The following CA10 variants were observed in gnomAD, a reference collection of about 807,000 sequenced individuals.
CA10 encodes the protein carbonic anhydrase-related protein 10.
In CA10, 14 loss-of-function variants were observed where a neutral mutation model predicts 44.2. That is an observed-to-expected ratio of 0.32 (90% CI 0.21 to 0.50). The LOEUF is 0.50. Ranked by LOEUF, CA10 falls within the 20% of genes least tolerant of loss-of-function variation. The probability of loss-of-function intolerance (pLI) is 0.99; values close to 1 mark genes in which losing one functional copy is unlikely to be tolerated. For synonymous variants in CA10, 159 were observed against 141.6 expected, an observed-to-expected ratio of 1.12 and a Z score of -0.87; for missense variants, 350 against 409.7, an observed-to-expected ratio of 0.85 and a Z score of 1.26.
chr17:51,722,140 G>C (rs1916369572), intron 4 of CA10, among the ~76,000 whole-genome samples: 1 of 152,020 alleles, frequency 6.6e-6, no homozygotes, highest in East Asian at 1.9e-4. Context: ...CCGTCAGCTG[G>C]TGTTTGGAGA....
At chr17:51,790,720 A>G (rs1906487100) in intron 3 of CA10, among the ~76,000 whole-genome samples, 1 of 152,220 alleles carries the variant, frequency 6.6e-6, no homozygotes, top group African/African-American at 2.4e-5. Context: ...TTCTGTTACC[A>G]TGACAAGGTA....
At chr17:51,644,227 A>G (rs1440772235) in intron 6 of CA10, among the ~76,000 whole-genome samples, 1 of 151,558 alleles carries the variant, frequency 6.6e-6, no homozygotes, top group Non-Finnish European at 1.5e-5. Flanking sequence ...AACCGGGCAA[A>G]TGGACTGTGT....
At chr17:51,803,647 T>G (rs1178736683) in intron 3 of CA10, among the ~76,000 whole-genome samples, 1 of 152,234 alleles carries the variant, frequency 6.6e-6, no homozygotes, top group African/African-American at 2.4e-5. Context: ...TTTAGTCAGT[T>G]TAGGAGCATA....
At chr17:52,072,967 G>A (rs1042507093) in intron 1 of CA10, among the ~76,000 whole-genome samples, 46 of 152,126 alleles carry the variant, frequency 3.0e-4, no homozygotes, top group African/African-American at 8.9e-4. Flanking sequence ...GGAAAATATC[G>A]TGGAGATCTG....
At chr17:52,156,855 T>G (rs553437556) in intron 1 of CA10, among the ~76,000 whole-genome samples, 1 of 152,136 alleles carries the variant, frequency 6.6e-6, no homozygotes, top group Non-Finnish European at 1.5e-5. Context: ...GCCACTGAAC[T>G]GGGGAATACT....
intron 4 of CA10, among the ~76,000 whole-genome samples, chr17:51,677,893 C>CA (rs983496731): frequency 8.0e-6 from 1 of 125,156 alleles, no homozygotes; most frequent in East Asian, 2.4e-4. Context: ...ACACCCCCCC[C>CA]CCCACCGGCT....
At chr17:51,949,087 C>G (rs1341013845) in intron 2 of CA10, among the ~76,000 whole-genome samples, 1 of 151,916 alleles carries the variant, frequency 6.6e-6, no homozygotes, top group Non-Finnish European at 1.5e-5. Flanking sequence ...CTTTGTTATT[C>G]CTATTTAAAT....
At chr17:51,872,966 A>G (rs546577362) in intron 3 of CA10, among the ~76,000 whole-genome samples, 4 of 152,170 alleles carry the variant, frequency 2.6e-5, no homozygotes, top group African/African-American at 4.8e-5. Flanking sequence ...TGTCTCAGGG[A>G]GTGTTGAGAG....
At chr17:51,669,376 G>A (rs1211371973) in intron 4 of CA10, among the ~76,000 whole-genome samples, 1 of 152,152 alleles carries the variant, frequency 6.6e-6, no homozygotes, top group Admixed American at 6.5e-5. Flanking sequence ...GATTGTAAAT[G>A]CACCAATCAG....
intron 4 of CA10, among the ~76,000 whole-genome samples, chr17:51,688,858 C>T (rs573430451): frequency 2.0e-5 from 3 of 152,230 alleles, no homozygotes; most frequent in Non-Finnish European, 2.9e-5. Flanking sequence ...ATGTCCATCT[C>T]TTCTACCATA....
At chr17:51,998,227 G>C (rs767693588) in intron 2 of CA10, among the ~76,000 whole-genome samples, 6 of 152,030 alleles carry the variant, frequency 3.9e-5, no homozygotes, top group Non-Finnish European at 7.4e-5. Flanking sequence ...GGGGATCAAG[G>C]ATAAAAATGA....
At position 51,801,751 on chromosome 17, in the gene CA10, G is replaced by A. The variant is rs574858589; in HGVS notation, c.280-53933C>T. 2.0e-5 allele frequency among the ~76,000 whole-genome samples: 3 copies of A among 152,286 alleles called. No homozygotes were observed. The East Asian group carries it at 5.8e-4, about 29-fold the overall frequency. ...GAAAATTATAGTGCAGTAAGAAGAA[G>A]GCATTCTAGTGCCAGACAACCCATG... On this transcript the variant is annotated intron_variant, in intron 3 of 8. Coordinates refer to ENST00000451037, the MANE Select transcript of CA10 (RefSeq NM_020178.5).
chr17:51,841,122 A>G (rs1157023356), intron 3 of CA10, among the ~76,000 whole-genome samples: 2 of 152,164 alleles, frequency 1.3e-5, no homozygotes, highest in Admixed American at 6.5e-5. Flanking sequence ...TTGTTTACCC[A>G]TAAGAAAGAC....
chr17:51,753,920 T>C (rs1469340208), intron 3 of CA10, among the ~76,000 whole-genome samples: 1 of 152,170 alleles, frequency 6.6e-6, no homozygotes, highest in East Asian at 1.9e-4. Flanking sequence ...CTTGGCTCAC[T>C]GCAACCTCCA....
chr17:51,885,741 C>T (rs1980570616), intron 3 of CA10, among the ~76,000 whole-genome samples: 1 of 152,196 alleles, frequency 6.6e-6, no homozygotes, highest in Non-Finnish European at 1.5e-5. Flanking sequence ...CCAATGCCTT[C>T]CTTATCTCTT....
At chr17:51,705,850 G>A (rs1915747698) in intron 4 of CA10, among the ~76,000 whole-genome samples, 1 of 152,182 alleles carries the variant, frequency 6.6e-6, no homozygotes. Context: ...AAAGGCCAGA[G>A]AGACAGAATT....
At chr17:51,633,349 G>A (rs1422241645) in intron 8 of CA10, 127 bp downstream of exon 8, 2 of 913,814 alleles carry the variant, frequency 2.2e-6, no homozygotes, top group East Asian at 2.5e-5. Context: ...AATGGAGTGT[G>A]ATGGCTATTG....
intron 4 of CA10, among the ~76,000 whole-genome samples, chr17:51,660,430 A>C (rs1294039454): frequency 1.3e-5 from 2 of 152,268 alleles, no homozygotes; most frequent in African/African-American, 4.8e-5. Context: ...TTAAATAAGC[A>C]GACCTGCTGC....
At chr17:51,975,795 G>T (rs1400166321) in intron 2 of CA10, among the ~76,000 whole-genome samples, 1 of 148,880 alleles carries the variant, frequency 6.7e-6, no homozygotes, top group Admixed American at 6.7e-5. Flanking sequence ...CGTTAGAACC[G>T]AGGAGGCGGA....
Sources: allele counts gnomAD v4.1 joint callset (sites outside exome capture counted in the v4.1 genomes callset), GRCh38; gene constraint gnomAD v4.1.1; transcripts MANE v1.5; gene names NCBI Gene and HGNC (gene_info 2026-07-23, HGNC 2026-07-21).